The following ATG7 variants were observed in gnomAD, a reference collection of about 807,000 sequenced individuals.
ATG7 encodes ubiquitin-like modifier-activating enzyme ATG7.
Under a neutral mutation model 82.4 loss-of-function variants are expected in ATG7, and 70 were observed. That is an observed-to-expected ratio of 0.85 (90% CI 0.70 to 1.04). ATG7 has a LOEUF of 1.04. Ranked by LOEUF, ATG7 falls within the 50% of genes least tolerant of loss-of-function variation. The probability of loss-of-function intolerance (pLI) is 0.00; values close to 1 mark genes in which losing one functional copy is unlikely to be tolerated. For missense variants in ATG7, 792 were observed against 864.3 expected (o/e 0.92, Z 1.05); for synonymous variants, 287 against 313.0 (o/e 0.92, Z 0.88).
chr3:11,441,363 T>A (rs544111171), intron 20 of ATG7, among the ~76,000 whole-genome samples: 1 of 151,024 alleles, frequency 6.6e-6, no homozygotes, highest in Non-Finnish European at 1.5e-5. Flanking sequence ...TACCTCAACC[T>A]CCCGAATAGC....
intron 14 of ATG7, among the ~76,000 whole-genome samples, chr3:11,349,060 A>G (rs1257383262): frequency 6.6e-6 from 1 of 152,076 alleles, no homozygotes; most frequent in Non-Finnish European, 1.5e-5. Flanking sequence ...GTTTTTACAG[A>G]GTGCTGATTG....
In ATG7 at chr3:11,353,215, G is replaced by A. The variant is rs568523932; in HGVS notation, c.1284+5180G>A. Among the ~76,000 whole-genome samples the A allele has an allele frequency of 3.3e-4, 50 of 152,156 alleles. No individual in the cohort carries two copies. The East Asian group carries it at 3.5e-3, about 11-fold the overall frequency. The stretch of plus-strand genomic sequence containing the variant: ...TCCCAGCACTTTGGGAGGCTGAGGC[G>A]GGTGGATCACGAGGTCAAGAGATCG... On this transcript the variant is annotated intron_variant, in intron 14 of 20. Transcript: ENST00000693202.
intron 7 of ATG7, among the ~76,000 whole-genome samples, chr3:11,309,639 G>T (rs897717676): frequency 6.6e-6 from 1 of 151,904 alleles, no homozygotes; most frequent in Non-Finnish European, 1.5e-5. Context: ...AAAAGGTAAG[G>T]GTCGATTATA....
chr3:11,440,714 G>A (rs1192147047), intron 20 of ATG7, among the ~76,000 whole-genome samples: 34 of 81,048 alleles, frequency 4.2e-4, no homozygotes, highest in African/African-American at 7.0e-4. Flanking sequence ...ACGGACTTTC[G>A]CTCTTGTCGC....
chr3:11,297,835 T>C (rs1311887443), intron 3 of ATG7, among the ~76,000 whole-genome samples: 1 of 152,144 alleles, frequency 6.6e-6, no homozygotes, highest in Non-Finnish European at 1.5e-5. Flanking sequence ...GATTTTGTAC[T>C]TGCAGAGTTC....
At chr3:11,443,593 C>T (rs2084211793) in intron 20 of ATG7, among the ~76,000 whole-genome samples, 1 of 152,028 alleles carries the variant, frequency 6.6e-6, no homozygotes, top group African/African-American at 2.4e-5. Context: ...TGCCATGTTG[C>T]CCAGGCTGGT....
intron 20 of ATG7, among the ~76,000 whole-genome samples, chr3:11,520,115 C>T (rs1316615190): frequency 4.6e-5 from 7 of 152,150 alleles, no homozygotes; most frequent in African/African-American, 1.7e-4. Flanking sequence ...TAATTTTCAC[C>T]AAGGTCTTGT....
At chr3:11,452,110 G>T (rs1436241470) in intron 20 of ATG7, among the ~76,000 whole-genome samples, 1 of 151,972 alleles carries the variant, frequency 6.6e-6, no homozygotes, top group Non-Finnish European at 1.5e-5. Flanking sequence ...GGAGCCAGGT[G>T]TGGTGCCTCA....
chr3:11,346,721 A>G (rs1954605310), intron 13 of ATG7, among the ~76,000 whole-genome samples: 1 of 152,210 alleles, frequency 6.6e-6, no homozygotes, highest in South Asian at 2.1e-4. Context: ...TCAGAAATAA[A>G]CATTCCCAAA....
Position 11,307,134 on chromosome 3 carries a change from C to T in ATG7, c.333+74C>T, listed in dbSNP as rs1947880544. ...CAGGTGCAGTGTTTGTGATCAGGCA[C>T]ATGGGTCTGCTGCAGAAACTGGCAT... On this transcript the variant is annotated intron_variant, in intron 6 of 20. Coordinates refer to ENST00000693202, the MANE Select transcript of ATG7 (RefSeq NM_001349232.2). 4 of 1,356,932 alleles carry T rather than the reference C, an allele frequency of 2.9e-6. No individual in the cohort carries two copies. In the South Asian group the frequency reaches 3.6e-5, roughly 12 times the overall value. 84.1% of individuals were successfully genotyped at this position (1,356,932 alleles called of 1,614,324 possible). A position where few individuals can be genotyped will look rare whatever the true frequency, so the allele number is the denominator to read the frequency against.
chr3:11,317,299 A>G (rs1052531110), intron 9 of ATG7, among the ~76,000 whole-genome samples: 4 of 152,216 alleles, frequency 2.6e-5, no homozygotes, highest in Admixed American at 2.6e-4. Flanking sequence ...CATAGCAGGC[A>G]GGATTAAATG....
intron 14 of ATG7, among the ~76,000 whole-genome samples, chr3:11,351,461 C>T (rs1350302575): frequency 1.1e-4 from 16 of 152,092 alleles, no homozygotes; most frequent in Non-Finnish European, 1.5e-5. Context: ...TTTTGTGGAA[C>T]TGAAAGAAAA....
intron 3 of ATG7, 62 bp from the exon 4 acceptor site, chr3:11,298,624 C>G: frequency 2.0e-6 from 3 of 1,482,466 alleles, no homozygotes; most frequent in Non-Finnish European, 2.8e-6. Flanking sequence ...TACAAATGTT[C>G]TTTCTCACCA....
At chr3:11,277,124 C>T (rs1941983663) in intron 1 of ATG7, 1 of 152,276 alleles carries the variant, frequency 6.6e-6, no homozygotes, top group Admixed American at 6.5e-5. Context: ...TGACTCACAT[C>T]TCCTCCATTT....
intron 19 of ATG7, among the ~76,000 whole-genome samples, chr3:11,384,257 A>G (rs2078144693): frequency 6.6e-6 from 1 of 152,218 alleles, no homozygotes; most frequent in East Asian, 1.9e-4. Context: ...TCTATTACTC[A>G]CAACCTTCTT....
rs76546215 is a variant in ATG7, at chr3:11,286,527, G to A, written c.-11+4089G>A. ...CTTTTCGGGAGGATATCTATAGAAA[G>A]TTCCTTGTTTTTGTTTTGTGTTTTT... On this transcript the variant is annotated intron_variant, in intron 3 of 20. Transcript: ENST00000693202. Among the ~76,000 whole-genome samples the A allele has an allele frequency of 6.9e-3, 972 of 140,118 alleles. 8 individuals are homozygous for A. Among genetic ancestry groups the A allele is most frequent in the African/African-American group, 0.025 (938 of 37,840 alleles). The allele number at this position is 140,118 out of a possible 152,430, so 91.9% of individuals were successfully genotyped here.
rs948907918 is a variant in ATG7, at chr3:11,340,578, C to T, written c.890-67C>T. 1.1e-5 allele frequency: 15 copies of T among 1,388,226 alleles called. No individual in the cohort carries two copies. The African/African-American group carries it at 1.2e-4, about 11-fold the overall frequency. 86.0% of individuals were successfully genotyped at this position (1,388,226 alleles called of 1,614,324 possible). On this transcript the variant is annotated intron_variant, in intron 11 of 20. Coordinates refer to ENST00000693202, the MANE Select transcript of ATG7 (RefSeq NM_001349232.2). Reference sequence around the variant, plus strand: ...AATGTCGATCTTTTTTATGTAAGGTCGTTGCTTGATCTGCTTGTTTTTATT... The same window carrying T: ...AATGTCGATCTTTTTTATGTAAGGTTGTTGCTTGATCTGCTTGTTTTTATT...
At position 11,548,368 on chromosome 3, in the gene ATG7, G is replaced by A. The variant is rs1180823683; in HGVS notation, c.2080-6443G>A. ...TTTTCTCTTTCTTAATAGTGTCCTT[G>A]GAAGCACAAAAATTTTAAATTTTGA... is the stretch of plus-strand genomic sequence containing the variant. On this transcript the variant is annotated intron_variant, in intron 20 of 20. Coordinates refer to ENST00000693202, the MANE Select transcript of ATG7 (RefSeq NM_001349232.2). Among the ~76,000 whole-genome samples, 4 of 151,932 alleles carry A rather than the reference G, an allele frequency of 2.6e-5. No individual in the cohort carries two copies. In the East Asian group the frequency reaches 7.7e-4, roughly 29 times the overall value.
intron 20 of ATG7, among the ~76,000 whole-genome samples, chr3:11,436,900 G>A (rs575318383): frequency 6.6e-6 from 1 of 152,338 alleles, no homozygotes; most frequent in African/African-American, 2.4e-5. Context: ...GTTGTCAGCA[G>A]GTGGGGATGG....
Sources: gnomAD v4.1 joint callset for allele counts (sites outside exome capture counted in the v4.1 genomes callset) on GRCh38, gnomAD v4.1.1 for gene constraint, MANE v1.5 for transcripts, NCBI Gene and HGNC (gene_info 2026-07-23, HGNC 2026-07-21) for gene names.